Variants in MLLT3 observed in about 807,000 individuals in gnomAD.
MLLT3 encodes the protein MLLT3 super elongation complex subunit.
A neutral mutation model predicts 53.2 loss-of-function variants in MLLT3; 4 were observed. The ratio of observed to expected loss-of-function variants is 0.08; its 90% CI spans 0.04 to 0.17. The LOEUF is 0.17. Ranked by LOEUF, MLLT3 falls within the 10% of genes least tolerant of loss-of-function variation. The pLI is 1.00. For missense variants in MLLT3, 569 were observed against 684.0 expected, an observed-to-expected ratio of 0.83 and a Z score of 1.87; for synonymous variants, 283 against 230.6, an observed-to-expected ratio of 1.23 and a Z score of -2.06.
Position 20,565,954 on chromosome 9 carries a change from T to TTATA in MLLT3, c.193+54696_193+54699dup, listed in dbSNP as rs369630971. Reference sequence around the variant, plus strand: ...TATATATATTTATATATATATATATTTATATATATATATTTATATATATAT... The same window carrying TTATA: ...TATATATATTTATATATATATATATTTATATATATATATATATTTATATATATAT... On this transcript the variant is annotated intron_variant, in intron 2 of 10. Transcript: ENST00000380338. 2.7e-3 allele frequency among the ~76,000 whole-genome samples: 92 copies of TTATA among 34,666 alleles called. 1 individual carries two copies. The highest frequency in any genetic ancestry group is 0.019 in the Middle Eastern group (2 of 106). The allele number at this position is 34,666 out of a possible 152,430, so 22.7% of individuals were successfully genotyped here. A position where few individuals can be genotyped will look rare whatever the true frequency, so the allele number is the denominator to read the frequency against.
At chr9:20,434,185 A>C (rs1273267932) in intron 4 of MLLT3, among the ~76,000 whole-genome samples, 1 of 152,114 alleles carries the variant, frequency 6.6e-6, no homozygotes, top group Non-Finnish European at 1.5e-5. Context: ...CTGGAGTAGG[A>C]TCTGAGGATA....
At chr9:20,390,788 A>G (rs1232713095) in intron 5 of MLLT3, among the ~76,000 whole-genome samples, 1 of 152,226 alleles carries the variant, frequency 6.6e-6, no homozygotes, top group African/African-American at 2.4e-5. Context: ...TTCCTTCTAT[A>G]ATAGTAAGAC....
chr9:20,442,096 T>A (rs894696682), intron 4 of MLLT3, among the ~76,000 whole-genome samples: 2 of 152,184 alleles, frequency 1.3e-5, no homozygotes, highest in African/African-American at 4.8e-5. Context: ...AAATGTGGTC[T>A]TTGAAAGGAA....
intron 2 of MLLT3, among the ~76,000 whole-genome samples, chr9:20,492,008 G>A (rs1236775162): frequency 1.3e-5 from 2 of 152,012 alleles, no homozygotes; most frequent in East Asian, 3.8e-4. Context: ...TACAGATACT[G>A]TACTCATGTC....
At chr9:20,505,384 TAA>T (rs1366371656) in intron 2 of MLLT3, among the ~76,000 whole-genome samples, 1 of 152,166 alleles carries the variant, frequency 6.6e-6, no homozygotes, top group Non-Finnish European at 1.5e-5. Flanking sequence ...TGCTAAATTA[TAA>T]ACTTTTTTTT....
At chr9:20,381,084 A>G (rs1055218725) in intron 5 of MLLT3, among the ~76,000 whole-genome samples, 1 of 152,008 alleles carries the variant, frequency 6.6e-6, no homozygotes, top group African/African-American at 2.4e-5. Flanking sequence ...GGAACTTATT[A>G]TGATCAGCTT....
intron 2 of MLLT3, among the ~76,000 whole-genome samples, chr9:20,594,320 G>A (rs1399894945): frequency 1.3e-5 from 2 of 151,944 alleles, no homozygotes; most frequent in Non-Finnish European, 1.5e-5. Flanking sequence ...AGTGCTCCTC[G>A]ACATACTAAT....
At chr9:20,368,895 C>T (rs1821522695) in intron 5 of MLLT3, among the ~76,000 whole-genome samples, 1 of 152,132 alleles carries the variant, frequency 6.6e-6, no homozygotes, top group Admixed American at 6.5e-5. Flanking sequence ...AAGGCAATGT[C>T]CTGAAAGCTT....
intron 2 of MLLT3, among the ~76,000 whole-genome samples, chr9:20,486,270 A>C (rs1016184956): frequency 1.3e-5 from 2 of 152,160 alleles, no homozygotes; most frequent in Admixed American, 1.3e-4. Flanking sequence ...TTCTGGAATA[A>C]CTATTTTCAA....
chr9:20,537,602 C>G (rs1398364918), intron 2 of MLLT3, among the ~76,000 whole-genome samples: 1 of 152,086 alleles, frequency 6.6e-6, no homozygotes, highest in Non-Finnish European at 1.5e-5. Context: ...CAAACAAATC[C>G]TTGGTTCCAA....
chr9:20,394,046 C>G (rs1822258255), intron 5 of MLLT3, among the ~76,000 whole-genome samples: 1 of 152,066 alleles, frequency 6.6e-6, no homozygotes, highest in Non-Finnish European at 1.5e-5. Flanking sequence ...CATTCAATGC[C>G]ACCATCCCTG....
chr9:20,483,361 G>C (rs533208685), intron 2 of MLLT3, among the ~76,000 whole-genome samples: 2 of 151,260 alleles, frequency 1.3e-5, no homozygotes, highest in African/African-American at 4.9e-5. Flanking sequence ...TCTCAGCCTC[G>C]CAAGTAGCTG....
At chr9:20,506,480 AC>A (rs1345053077) in intron 2 of MLLT3, among the ~76,000 whole-genome samples, 1 of 151,588 alleles carries the variant, frequency 6.6e-6, no homozygotes, top group Non-Finnish European at 1.5e-5. Flanking sequence ...TTTTTTTTTA[AC>A]CTTTTAAATA....
chr9:20,595,457 A>C (rs1404197065), intron 2 of MLLT3, among the ~76,000 whole-genome samples: 1 of 152,108 alleles, frequency 6.6e-6, no homozygotes, highest in Non-Finnish European at 1.5e-5. Context: ...ATTACCACAT[A>C]CTTCACTAAG....
At chr9:20,597,422 A>C (rs1031918993) in intron 2 of MLLT3, among the ~76,000 whole-genome samples, 40 of 152,180 alleles carry the variant, frequency 2.6e-4, no homozygotes, top group Admixed American at 1.7e-3. Context: ...GCAGAAATAG[A>C]TCATCCTTGT....
intron 2 of MLLT3, among the ~76,000 whole-genome samples, chr9:20,494,797 C>A (rs1454801051): frequency 6.6e-6 from 1 of 152,054 alleles, no homozygotes; most frequent in Non-Finnish European, 1.5e-5. Flanking sequence ...TATTTGAATA[C>A]CCACGAGCAA....
rs539409579 is a variant in MLLT3 at position 20,464,168 on chromosome 9, C to G, written c.194-7382G>C. On this transcript the variant is annotated intron_variant, in intron 2 of 10. Transcript: ENST00000380338. Reference sequence around the variant, plus strand: ...GGCCGAGCCATTGCTAAAACTGGAACTGTTTTTTATTTAGAAAAAAAAAAA... The same window carrying G: ...GGCCGAGCCATTGCTAAAACTGGAAGTGTTTTTTATTTAGAAAAAAAAAAA... 1.3e-4 allele frequency among the ~76,000 whole-genome samples: 20 copies of G among 150,472 alleles called. No homozygotes were observed. In the South Asian group the frequency reaches 4.0e-3, roughly 30 times the overall value.
chr9:20,600,128 A>G (rs1563838142), intron 2 of MLLT3, among the ~76,000 whole-genome samples: 1 of 78,776 alleles, frequency 1.3e-5, no homozygotes, highest in Non-Finnish European at 2.7e-5. Context: ...TGTTGTCCAA[A>G]AAAAAAAAAC....
intron 4 of MLLT3, among the ~76,000 whole-genome samples, chr9:20,435,623 A>T (rs183404369): frequency 6.6e-6 from 1 of 152,258 alleles, no homozygotes; most frequent in Non-Finnish European, 1.5e-5. Context: ...TTATTTATAC[A>T]CTCCGAGCTA....
Sources: gnomAD v4.1 joint callset for allele counts (sites outside exome capture counted in the v4.1 genomes callset) on GRCh38, gnomAD v4.1.1 for gene constraint, MANE v1.5 for transcripts, NCBI Gene and HGNC (gene_info 2026-07-23, HGNC 2026-07-21) for gene names.